STMN2: variants seen among roughly 807,000 people sequenced by gnomAD.
The protein encoded by STMN2 is stathmin 2.
Under a neutral mutation model 24.1 loss-of-function variants are expected in STMN2, and 2 were observed. The observed-to-expected ratio is 0.08, with a 90% CI of 0.03 to 0.26. The LOEUF (loss-of-function observed/expected upper bound fraction) is 0.26. STMN2 is among the 10% of genes least tolerant of loss of function. STMN2 has a pLI of 1.00. For missense variants in STMN2, 114 were observed against 213.6 expected, an observed-to-expected ratio of 0.53 and a Z score of 2.91; for synonymous variants, 83 against 77.5, an observed-to-expected ratio of 1.07 and a Z score of -0.37.
intron 1 of STMN2, among the ~76,000 whole-genome samples, chr8:79,631,613 A>G (rs1809803280): frequency 6.6e-6 from 1 of 152,148 alleles, no homozygotes; most frequent in Non-Finnish European, 1.5e-5. Context: ...CAACCAAAAT[A>G]TTTTATGCTC....
intron 1 of STMN2, among the ~76,000 whole-genome samples, chr8:79,631,140 G>A (rs940743263): frequency 2.6e-5 from 4 of 152,146 alleles, no homozygotes; most frequent in Non-Finnish European, 5.9e-5. Flanking sequence ...GAGGTACCAG[G>A]TTACAACAAT....
intron 1 of STMN2, among the ~76,000 whole-genome samples, chr8:79,624,371 G>A (rs557077522): frequency 4.0e-5 from 6 of 149,618 alleles, no homozygotes; most frequent in Non-Finnish European, 8.9e-5. Context: ...GGAGAATGGC[G>A]TGAATCCGGG....
At chr8:79,654,628 A>G (rs1810408458) in intron 3 of STMN2, among the ~76,000 whole-genome samples, 2 of 152,198 alleles carry the variant, frequency 1.3e-5, no homozygotes, top group Non-Finnish European at 2.9e-5. Flanking sequence ...TGAGGATTAA[A>G]TGCTTCTTCT....
chr8:79,636,059 A>C (rs1277030060), intron 1 of STMN2, among the ~76,000 whole-genome samples: 3 of 152,110 alleles, frequency 2.0e-5, no homozygotes, highest in Admixed American at 6.6e-5. Flanking sequence ...TGTACAAAAA[A>C]TACAAAAATT....
intron 1 of STMN2, among the ~76,000 whole-genome samples, chr8:79,622,248 A>G (rs959505964): frequency 2.6e-5 from 4 of 152,186 alleles, no homozygotes; most frequent in Non-Finnish European, 5.9e-5. Flanking sequence ...TACCTAAATC[A>G]CATGGTTGTT....
At chr8:79,624,972 C>T (rs953059618) in intron 1 of STMN2, among the ~76,000 whole-genome samples, 5 of 150,290 alleles carry the variant, frequency 3.3e-5, no homozygotes, top group Non-Finnish European at 6.0e-5. Context: ...ACATGTCCCA[C>T]GCACTTTTTC....
Position 79,655,043 on chromosome 8 carries a change from T to G in STMN2, c.461T>G (p.Ile154Ser). ...ENREANLAAI[I>S]ERLQEKERHA... ...CGTGAGGCTAATCTAGCTGCTATTA[T>G]TGAACGTCTGCAGGAAAAGGTAATC... The change falls in exon 4 of 5, where the codon ATT becomes AGT. Residue 154 changes from isoleucine to serine, a missense_variant. Transcript: ENST00000220876. 1 of 1,613,976 alleles carries G rather than the reference T, an allele frequency of 6.2e-7. No individual in the cohort carries two copies. Among genetic ancestry groups the G allele is most frequent in the South Asian group, 1.1e-5 (1 of 91,072 alleles).
chr8:79,614,329 A>G (rs1809331676), intron 1 of STMN2, among the ~76,000 whole-genome samples: 1 of 152,248 alleles, frequency 6.6e-6, no homozygotes, highest in Non-Finnish European at 1.5e-5. Flanking sequence ...CATGATTGTA[A>G]GAGGTGCATA....
chr8:79,647,382 G>C (rs1256564265), intron 3 of STMN2, among the ~76,000 whole-genome samples: 1 of 152,038 alleles, frequency 6.6e-6, no homozygotes, highest in Non-Finnish European at 1.5e-5. Flanking sequence ...AAAAACTTAC[G>C]AGTTCTCCTC....
chr8:79,644,741 A>C (rs1246850182), intron 3 of STMN2, among the ~76,000 whole-genome samples: 1 of 152,254 alleles, frequency 6.6e-6, no homozygotes, highest in East Asian at 1.9e-4. Flanking sequence ...ATAATTATTT[A>C]GTTCATACAC....
intron 1 of STMN2, among the ~76,000 whole-genome samples, chr8:79,628,297 G>C (rs1792047064): frequency 6.6e-6 from 1 of 152,014 alleles, no homozygotes; most frequent in East Asian, 1.9e-4. Context: ...CTGAGTAGCT[G>C]GGATTACAGG....
At chr8:79,655,694 G>A (rs1160429401) in intron 4 of STMN2, among the ~76,000 whole-genome samples, 1 of 152,098 alleles carries the variant, frequency 6.6e-6, no homozygotes, top group Non-Finnish European at 1.5e-5. Flanking sequence ...CTGTGCTGGA[G>A]TTCTTCTGAA....
Position 79,666,044 on chromosome 8 carries a change from A to G in STMN2, c.*1170A>G, listed in dbSNP as rs1806589168. Reference sequence around the variant, plus strand: ...CGCAGTTTTGAAGTCGTTTCTCCCCAACTCCCAACTCCTGAAGGTTGCTGC... The same window carrying G: ...CGCAGTTTTGAAGTCGTTTCTCCCCGACTCCCAACTCCTGAAGGTTGCTGC... On this transcript the variant is annotated 3_prime_UTR_variant, in exon 5 of 5. Transcript: ENST00000220876. 1 of 152,222 alleles carries G rather than the reference A, an allele frequency of 6.6e-6. No individual in the cohort carries two copies. Among genetic ancestry groups the G allele is most frequent in the Non-Finnish European group, 1.5e-5 (1 of 68,018 alleles). The allele number at this position is 152,222 out of a possible 1,614,324, so 9.4% of individuals were successfully genotyped here. A position where few individuals can be genotyped will look rare whatever the true frequency, so the allele number is the denominator to read the frequency against.
chr8:79,638,063 C>T (rs1421853951), intron 2 of STMN2, among the ~76,000 whole-genome samples: 1 of 152,210 alleles, frequency 6.6e-6, no homozygotes, highest in Non-Finnish European at 1.5e-5. Context: ...ATTCGGTCAG[C>T]AAATAAATTA....
intron 1 of STMN2, among the ~76,000 whole-genome samples, chr8:79,619,900 T>C (rs988614514): frequency 2.6e-5 from 4 of 151,912 alleles, no homozygotes; most frequent in South Asian, 2.1e-4. Context: ...GATTTTTTTC[T>C]TATATAGTTT....
intron 4 of STMN2, among the ~76,000 whole-genome samples, chr8:79,661,899 TAGTCATTAGTA>T (rs1214077044): frequency 6.6e-6 from 1 of 152,130 alleles, no homozygotes; most frequent in Non-Finnish European, 1.5e-5. Context: ...TGCAAGTGCA[TAGTCATTAGTA>T]AAAAGAAGGA....
chr8:79,633,817 A>G (rs561304144), intron 1 of STMN2, among the ~76,000 whole-genome samples: 1 of 152,340 alleles, frequency 6.6e-6, no homozygotes, highest in Admixed American at 6.5e-5. Flanking sequence ...ATGATTACTC[A>G]TTATACATAG....
At chr8:79,626,252 T>A (rs906039728) in intron 1 of STMN2, among the ~76,000 whole-genome samples, 1 of 152,194 alleles carries the variant, frequency 6.6e-6, no homozygotes, top group African/African-American at 2.4e-5. Context: ...GGAGCTAAAA[T>A]AAGGGAGAGA....
chr8:79,612,367 G>C lies in STMN2; in HGVS notation c.19+1153G>C, dbSNP rs1585867317. On this transcript the variant is annotated intron_variant, in intron 1 of 4. Transcript: ENST00000220876. ...GATAAAGGGTTCTTTGAAGACCTTT[G>C]ATCGTTTGCGGGAAAAGCTTCTAGA... Among the ~76,000 whole-genome samples, 10 of 152,348 alleles carry C rather than the reference G, an allele frequency of 6.6e-5. 1 individual carries two copies. The highest frequency in any genetic ancestry group is 5.8e-4 in the East Asian group (3 of 5,192).
Sources: allele counts gnomAD v4.1 joint callset (sites outside exome capture counted in the v4.1 genomes callset), GRCh38; gene constraint gnomAD v4.1.1; transcripts MANE v1.5; gene names NCBI Gene and HGNC (gene_info 2026-07-23, HGNC 2026-07-21).